The following FHIP1A variants were observed in gnomAD, a reference collection of about 807,000 sequenced individuals.
FHIP1A encodes FHF complex subunit HOOK interacting protein 1A.
Under a neutral mutation model 88.6 loss-of-function variants are expected in FHIP1A, and 61 were observed. That is an observed-to-expected ratio of 0.69 (90% CI 0.56 to 0.85). The LOEUF (loss-of-function observed/expected upper bound fraction) is 0.85, where lower values mean the gene tolerates loss of function less well. Among genes scored for constraint, FHIP1A ranks in the 40% least tolerant of loss-of-function variants. The pLI is 0.00. For synonymous variants in FHIP1A, 478 were observed against 496.0 expected (o/e 0.96, Z 0.48); for missense variants, 1,154 against 1,273.5 (o/e 0.91, Z 1.43).
At chr4:151,654,452 G>A (rs930454210) in intron 11 of FHIP1A, among the ~76,000 whole-genome samples, 1 of 151,864 alleles carries the variant, frequency 6.6e-6, no homozygotes, top group Admixed American at 6.5e-5. Flanking sequence ...TGGGACTGGG[G>A]AAGAGAAGTT....
chr4:151,460,895 A>G (rs1483321045), intron 2 of FHIP1A, among the ~76,000 whole-genome samples: 3 of 152,204 alleles, frequency 2.0e-5, no homozygotes, highest in African/African-American at 7.2e-5. Flanking sequence ...GTTTAGGAAA[A>G]TGAAATAGGG....
At chr4:151,416,681 A>G (rs1007943338) in intron 1 of FHIP1A, among the ~76,000 whole-genome samples, 4 of 152,114 alleles carry the variant, frequency 2.6e-5, no homozygotes, top group Non-Finnish European at 4.4e-5. Context: ...TGGTATAAAA[A>G]TTTTTCTTAA....
rs1397508750 is a variant in FHIP1A at position 151,409,223 on chromosome 4, G to A, written c.-598G>A. On this transcript the variant is annotated 5_prime_UTR_variant, in exon 1 of 14. Coordinates refer to ENST00000435205, the MANE Select transcript of FHIP1A (RefSeq NM_001109977.3). ...GCGGCTGACGCACCTTCGAAAAGTT[G>A]CGCTCCGACCTTCTCACGACCTACA... is the stretch of plus-strand genomic sequence containing the variant. 1 of 151,730 alleles carries A rather than the reference G, an allele frequency of 6.6e-6. No homozygotes were observed. Among genetic ancestry groups the A allele is most frequent in the Non-Finnish European group, 1.5e-5 (1 of 67,960 alleles). 9.4% of individuals were successfully genotyped at this position (151,730 alleles called of 1,614,324 possible). A position where few individuals can be genotyped will look rare whatever the true frequency, so the allele number is the denominator to read the frequency against.
chr4:151,510,920 A>G (rs1006955453), intron 3 of FHIP1A, among the ~76,000 whole-genome samples: 3 of 152,204 alleles, frequency 2.0e-5, no homozygotes, highest in Non-Finnish European at 4.4e-5. Flanking sequence ...GACAGATACC[A>G]TACTAATCTC....
At chr4:151,518,402 G>A (rs937451382) in intron 3 of FHIP1A, among the ~76,000 whole-genome samples, 5 of 151,952 alleles carry the variant, frequency 3.3e-5, no homozygotes, top group Non-Finnish European at 5.9e-5. Context: ...ATCATGTAAG[G>A]ATGCGTTTCT....
At position 151,646,728 on chromosome 4, in the gene FHIP1A, A is replaced by G. The variant is rs1438240457; in HGVS notation, c.1397A>G (p.Lys466Arg). 2 of 1,550,590 alleles carry G rather than the reference A, an allele frequency of 1.3e-6. No individual in the cohort carries two copies. The highest frequency in any genetic ancestry group is 2.0e-5 in the Admixed American group (1 of 50,978). The change falls in exon 10 of 14, where the codon AAG becomes AGG. Residue 466 changes from lysine to arginine, a missense_variant. Transcript: ENST00000435205. ...NQERDYILWS[K>R]CMHDTSGPVE... The stretch of plus-strand genomic sequence containing the variant: ...GAGAGGGATTATATTCTCTGGTCAA[A>G]GTGTATGCATGACACTTCAGGTAGG...
At chr4:151,582,163 G>A (rs1033020691) in intron 5 of FHIP1A, among the ~76,000 whole-genome samples, 2 of 152,106 alleles carry the variant, frequency 1.3e-5, no homozygotes, top group African/African-American at 4.8e-5. Flanking sequence ...TATTTATCCC[G>A]TATCCAAAAT....
intron 7 of FHIP1A, among the ~76,000 whole-genome samples, chr4:151,614,468 C>CA (rs1170058431): frequency 0.038 from 2,313 of 60,806 alleles, 18 homozygotes; most frequent in Middle Eastern, 0.071. Context: ...GACTCTGTCT[C>CA]AAAAAAAAAA....
chr4:151,441,374 G>T (rs1298190829), intron 1 of FHIP1A, among the ~76,000 whole-genome samples: 5 of 150,904 alleles, frequency 3.3e-5, no homozygotes, highest in Non-Finnish European at 7.4e-5. Flanking sequence ...GGATGATAGT[G>T]TTAATACCTA....
intron 3 of FHIP1A, among the ~76,000 whole-genome samples, chr4:151,565,685 C>T (rs533025885): frequency 2.6e-5 from 4 of 152,104 alleles, no homozygotes; most frequent in Admixed American, 2.6e-4. Flanking sequence ...CATGGTTTTC[C>T]TGTTACTGAG....
At chr4:151,654,708 G>C (rs1342752563) in intron 11 of FHIP1A, among the ~76,000 whole-genome samples, 1 of 152,176 alleles carries the variant, frequency 6.6e-6, no homozygotes, top group Non-Finnish European at 1.5e-5. Flanking sequence ...AAAACCATTA[G>C]TTGCTTTCAA....
At chr4:151,464,890 G>C (rs546653786) in intron 2 of FHIP1A, among the ~76,000 whole-genome samples, 19 of 152,062 alleles carry the variant, frequency 1.2e-4, no homozygotes, top group Non-Finnish European at 2.2e-4. Flanking sequence ...AGCAGCATAG[G>C]CATCTTCCAA....
chr4:151,556,560 C>T (rs767459075), intron 3 of FHIP1A, among the ~76,000 whole-genome samples: 19 of 152,068 alleles, frequency 1.2e-4, no homozygotes, highest in Non-Finnish European at 2.2e-4. Flanking sequence ...CTTGGAACTC[C>T]GTGCAGATTT....
At chr4:151,458,807 T>C (rs1211551465) in intron 2 of FHIP1A, among the ~76,000 whole-genome samples, 2 of 152,092 alleles carry the variant, frequency 1.3e-5, no homozygotes, top group Admixed American at 6.6e-5. Context: ...CTTAGTCGGC[T>C]CCTACTCACA....
intron 1 of FHIP1A, among the ~76,000 whole-genome samples, chr4:151,422,539 AC>A (rs1733211406): frequency 6.6e-6 from 1 of 152,124 alleles, no homozygotes; most frequent in Admixed American, 6.6e-5. Context: ...GGCACAAGCC[AC>A]CACGTCCAGC....
intron 7 of FHIP1A, among the ~76,000 whole-genome samples, chr4:151,620,851 G>T (rs1413646297): frequency 1.4e-5 from 2 of 147,720 alleles, no homozygotes. Flanking sequence ...AGATAGAAAG[G>T]GTCCCACCCT....
At chr4:151,447,287 G>T (rs139953817) in intron 1 of FHIP1A, among the ~76,000 whole-genome samples, 1 of 152,198 alleles carries the variant, frequency 6.6e-6, no homozygotes, top group African/African-American at 2.4e-5. Context: ...AGGTATTGAT[G>T]TATGGTAACT....
intron 3 of FHIP1A, among the ~76,000 whole-genome samples, chr4:151,557,677 C>T (rs1387352387): frequency 6.6e-6 from 1 of 152,230 alleles, no homozygotes; most frequent in African/African-American, 2.4e-5. Flanking sequence ...GGCGGCCATC[C>T]AGTCAATAAG....
chr4:151,548,199 A>T (rs1732582550), intron 3 of FHIP1A, among the ~76,000 whole-genome samples: 1 of 152,190 alleles, frequency 6.6e-6, no homozygotes, highest in Non-Finnish European at 1.5e-5. Flanking sequence ...CAGCACCAGC[A>T]CTGGGACCCA....
Sources: allele counts gnomAD v4.1 joint callset (sites outside exome capture counted in the v4.1 genomes callset), GRCh38; gene constraint gnomAD v4.1.1; transcripts MANE v1.5; gene names NCBI Gene and HGNC (gene_info 2026-07-23, HGNC 2026-07-21).